GMCL1: variants seen among roughly 807,000 people sequenced by gnomAD.
The protein encoded by GMCL1 is germ cell-less protein-like 1.
Under a neutral mutation model 75.5 loss-of-function variants are expected in GMCL1, and 54 were observed. The observed-to-expected ratio is 0.71, with a 90% CI of 0.57 to 0.90. The LOEUF (loss-of-function observed/expected upper bound fraction) is 0.90, where lower values mean the gene tolerates loss of function less well. GMCL1 is among the 40% of genes least tolerant of loss of function. The pLI is 0.00. For missense variants in GMCL1, 537 were observed against 622.7 expected (o/e 0.86, Z 1.47); for synonymous variants, 210 against 209.6 (o/e 1.00, Z -0.02).
intron 8 of GMCL1, among the ~76,000 whole-genome samples, chr2:69,850,524 A>T (rs532482400): frequency 6.6e-6 from 1 of 152,220 alleles, no homozygotes; most frequent in East Asian, 1.9e-4. Context: ...CTAATCTTTG[A>T]GTACTAGAAC....
rs1676262021 is a variant in GMCL1 at position 69,880,964 on chromosome 2, C to T, written c.*1960C>T. On this transcript the variant is annotated 3_prime_UTR_variant, in exon 14 of 14. Transcript: ENST00000282570. ...CGTCTCATTACTGTATAAGAGTTTC[C>T]TTACCCTTTATGTATTGAAAAATAT... 6.6e-6 allele frequency: 1 copy of T among 151,946 alleles called. No homozygotes were observed. Among genetic ancestry groups the T allele is most frequent in the Non-Finnish European group, 1.5e-5 (1 of 67,990 alleles). 9.4% of individuals were successfully genotyped at this position (151,946 alleles called of 1,614,324 possible).
At chr2:69,841,330 T>C (rs1157429090) in intron 4 of GMCL1, among the ~76,000 whole-genome samples, 4 of 152,120 alleles carry the variant, frequency 2.6e-5, no homozygotes, top group African/African-American at 9.7e-5. Flanking sequence ...TTTACAGATT[T>C]CATTAATGAC....
chr2:69,879,380 G>T lies in GMCL1; in HGVS notation c.*376G>T, dbSNP rs892784643. On this transcript the variant is annotated 3_prime_UTR_variant, in exon 14 of 14. Transcript: ENST00000282570. ...AGCTTAAACTTTGTTTCTACCTTAT[G>T]TTAGTGGACCTCAGTTATCCATCTG... is the stretch of plus-strand genomic sequence containing the variant. 6.4e-6 allele frequency: 1 copy of T among 156,266 alleles called. No homozygotes were observed. The highest frequency in any genetic ancestry group is 1.4e-5 in the Non-Finnish European group (1 of 70,686). The allele number at this position is 156,266 out of a possible 1,614,324, so 9.7% of individuals were successfully genotyped here. A position where few individuals can be genotyped will look rare whatever the true frequency, so the allele number is the denominator to read the frequency against.
chr2:69,871,725 TA>T lies in GMCL1; in HGVS notation c.1365-19del, dbSNP rs779809807. 1.4e-5 allele frequency: 19 copies of T among 1,327,626 alleles called. No homozygotes were observed. The highest frequency in any genetic ancestry group is 7.4e-5 in the African/African-American group (5 of 67,776). The allele number at this position is 1,327,626 out of a possible 1,614,324, so 82.2% of individuals were successfully genotyped here. On this transcript the variant is annotated intron_variant, in intron 12 of 13. Transcript: ENST00000282570. ...GTTTAAAAATCTTGTGTTTATTTTT[TA>T]TTTTTTTTTTAATCCTAGATTACGT... is the stretch of plus-strand genomic sequence containing the variant.
intron 1 of GMCL1, among the ~76,000 whole-genome samples, chr2:69,834,457 T>C (rs1674765847): frequency 1.3e-5 from 2 of 152,254 alleles, no homozygotes; most frequent in South Asian, 4.1e-4. Context: ...AATTTGTGCG[T>C]ATCTAAATAT....
At position 69,879,124 on chromosome 2, in the gene GMCL1, G is replaced by C. The variant is rs1676208964; in HGVS notation, c.*120G>C. 1.6e-6 allele frequency: 1 copy of C among 640,960 alleles called. No individual in the cohort carries two copies. The highest frequency in any genetic ancestry group is 2.8e-5 in the Admixed American group (1 of 35,520). 39.7% of individuals were successfully genotyped at this position (640,960 alleles called of 1,614,324 possible). A position where few individuals can be genotyped will look rare whatever the true frequency, so the allele number is the denominator to read the frequency against. Reference sequence around the variant, plus strand: ...TGGCCCTACTGATATTCACATCGAAGGTGACTAACAATGACAAAGGCCTTA... The same window carrying C: ...TGGCCCTACTGATATTCACATCGAACGTGACTAACAATGACAAAGGCCTTA... On this transcript the variant is annotated 3_prime_UTR_variant, in exon 14 of 14. Coordinates refer to ENST00000282570, the MANE Select transcript of GMCL1 (RefSeq NM_178439.5).
chr2:69,869,747 T>A lies in GMCL1; in HGVS notation c.1247T>A (p.Phe416Tyr), dbSNP rs199867527. 6.2e-7 allele frequency: 1 copy of A among 1,614,042 alleles called. No individual in the cohort carries two copies. ...TGCTGGCGTTGGACAGGTTTTAACT[T>A]CGGCTTCGACCTACTTGTAACTTAC... ...EYCWRWTGFNFGFDLLVTYTN... is the reference protein window; with the variant it reads ...EYCWRWTGFNYGFDLLVTYTN... Residue 416 changes from phenylalanine (F) to tyrosine (Y), a missense_variant, in exon 12 of 14, where the codon TTC becomes TAC. Physicochemically the swap from Phe to Tyr is conservative, Grantham distance 22. Around this residue, in one of 3 missense-constraint regions of GMCL1, gnomAD observed 345 missense variants for 410.5 expected, o/e 0.84. Coordinates refer to ENST00000282570, the MANE Select transcript of GMCL1 (RefSeq NM_178439.5).
At chr2:69,837,715 C>CT (rs774216609) in intron 2 of GMCL1, 45 bp downstream of exon 2, 3 of 1,567,416 alleles carry the variant, frequency 1.9e-6, no homozygotes, top group Admixed American at 2.0e-5. Flanking sequence ...CACTGAAACT[C>CT]TTAAGTCATG....
At chr2:69,868,270 C>T (rs948334887) in intron 11 of GMCL1, among the ~76,000 whole-genome samples, 3 of 152,050 alleles carry the variant, frequency 2.0e-5, no homozygotes, top group Non-Finnish European at 4.4e-5. Context: ...ACAGTTATCA[C>T]CTCTACTAGG....
chr2:69,875,095 T>A (rs1676091098), intron 13 of GMCL1, among the ~76,000 whole-genome samples: 1 of 152,158 alleles, frequency 6.6e-6, no homozygotes, highest in Non-Finnish European at 1.5e-5. Context: ...ACAATCTATC[T>A]TTTTCTTTTA....
At chr2:69,839,361 T>A (rs1209970643) in intron 2 of GMCL1, 96 bp from the exon 3 acceptor site, 10 of 650,554 alleles carry the variant, frequency 1.5e-5, no homozygotes, top group Non-Finnish European at 2.4e-5. Context: ...TGAGTTTAGT[T>A]AATGGATAGA....
At position 69,880,678 on chromosome 2, in the gene GMCL1, A is replaced by C. The variant is rs1356694572; in HGVS notation, c.*1674A>C. On this transcript the variant is annotated 3_prime_UTR_variant, in exon 14 of 14. Coordinates refer to ENST00000282570, the MANE Select transcript of GMCL1 (RefSeq NM_178439.5). ...ACCAACATGGTGAAACCCCATCTCT[A>C]TTAAATACACAAAATAAAAATTAGC... The C allele has an allele frequency of 6.6e-6, 1 of 152,134 alleles. No homozygotes were observed. The highest frequency in any genetic ancestry group is 1.5e-5 in the Non-Finnish European group (1 of 68,060). 9.4% of individuals were successfully genotyped at this position (152,134 alleles called of 1,614,324 possible). A position where few individuals can be genotyped will look rare whatever the true frequency, so the allele number is the denominator to read the frequency against.
At chr2:69,839,647 T>G (rs1385260542) in intron 3 of GMCL1, 94 bp downstream of exon 3, 7 of 770,234 alleles carry the variant, frequency 9.1e-6, no homozygotes, top group Non-Finnish European at 1.5e-5. Flanking sequence ...AGCCTTGTAG[T>G]CTAGAAAACT....
chr2:69,847,018 T>TG lies in GMCL1; in HGVS notation c.759-523dup, dbSNP rs1311630214. ...TGGCTAATTTTTTTTTTTTTTTTTT[T>TG]GGTAGCACGAGGTCTCACCATGTTG... On this transcript the variant is annotated intron_variant, in intron 6 of 13. Coordinates refer to ENST00000282570, the MANE Select transcript of GMCL1 (RefSeq NM_178439.5). 6.0e-5 allele frequency among the ~76,000 whole-genome samples: 9 copies of TG among 150,930 alleles called. No individual in the cohort carries two copies. The East Asian group carries it at 1.7e-3, about 29-fold the overall frequency.
rs193131438 is a variant in GMCL1 at position 69,831,398 on chromosome 2, T to C, written c.260+1246T>C. Among the ~76,000 whole-genome samples, 13 of 152,284 alleles carry C rather than the reference T, an allele frequency of 8.5e-5. No homozygotes were observed. In the East Asian group the frequency reaches 2.5e-3, roughly 29 times the overall value. On this transcript the variant is annotated intron_variant, in intron 1 of 13. Coordinates refer to ENST00000282570, the MANE Select transcript of GMCL1 (RefSeq NM_178439.5). ...AATGTACCCCTACTGTGAATACTATTCAGTAACTTTTTTAATTGTTTGTTT... is the reference window on the plus strand; with the variant it reads ...AATGTACCCCTACTGTGAATACTATCCAGTAACTTTTTTAATTGTTTGTTT...
chr2:69,836,380 A>T (rs993669964), intron 1 of GMCL1, among the ~76,000 whole-genome samples: 1 of 152,160 alleles, frequency 6.6e-6, no homozygotes, highest in African/African-American at 2.4e-5. Context: ...GGAAGCCAAC[A>T]TGTGTACATT....
At chr2:69,838,536 G>GT (rs1466809635) in intron 2 of GMCL1, among the ~76,000 whole-genome samples, 5 of 151,886 alleles carry the variant, frequency 3.3e-5, no homozygotes, top group Non-Finnish European at 5.9e-5. Flanking sequence ...ATAATTACTG[G>GT]TAAGACAGCA....
intron 7 of GMCL1, among the ~76,000 whole-genome samples, chr2:69,847,966 A>T (rs1290850543): frequency 6.6e-6 from 1 of 152,274 alleles, no homozygotes; most frequent in African/African-American, 2.4e-5. Context: ...TCAGTTAATG[A>T]TGGCATTTTT....
intron 8 of GMCL1, among the ~76,000 whole-genome samples, chr2:69,853,467 T>C (rs1675377864): frequency 6.6e-6 from 1 of 152,160 alleles, no homozygotes; most frequent in Non-Finnish European, 1.5e-5. Flanking sequence ...GAAAAAAATA[T>C]TTTAGTGGGG....
Sources: gnomAD v4.1 joint callset for allele counts (sites outside exome capture counted in the v4.1 genomes callset) on GRCh38, gnomAD v4.1.1 for gene constraint, gnomAD v4.1.1 regional missense constraint, MANE v1.5 for transcripts, NCBI Gene and HGNC (gene_info 2026-07-23, HGNC 2026-07-21) for gene names.